PIK3CB: variants seen among roughly 807,000 people sequenced by gnomAD.
PIK3CB encodes phosphatidylinositol-4,5-bisphosphate 3-kinase catalytic subunit beta.
Under a neutral mutation model 136.8 loss-of-function variants are expected in PIK3CB, and 39 were observed. The observed-to-expected ratio is 0.29, with a 90% CI of 0.22 to 0.37. The LOEUF is 0.37. Ranked by LOEUF, PIK3CB falls within the 10% of genes least tolerant of loss-of-function variation. PIK3CB has a pLI of 1.00. For missense variants in PIK3CB, 868 were observed against 1,275.4 expected, an observed-to-expected ratio of 0.68 and a Z score of 4.87; for synonymous variants, 428 against 436.6, an observed-to-expected ratio of 0.98 and a Z score of 0.25.
chr3:138,798,409 C>G (rs1264880834), intron 1 of PIK3CB, among the ~76,000 whole-genome samples: 1 of 152,160 alleles, frequency 6.6e-6, no homozygotes, highest in African/African-American at 2.4e-5. Context: ...GTGATCCACC[C>G]ACGTCAGCCT....
rs1191626244 is a variant in PIK3CB, at chr3:138,734,614, G to T, written c.972+20C>A. On this transcript the variant is annotated intron_variant, in intron 7 of 23. Transcript: ENST00000674063. ...TCACATGGCTTTTGGGGTTACTAAA[G>T]GTTCAGAAATAAAACTTACAGAAAT... 1.9e-6 allele frequency: 3 copies of T among 1,572,226 alleles called. No individual in the cohort carries two copies. The highest frequency in any genetic ancestry group is 2.6e-6 in the Non-Finnish European group (3 of 1,148,750).
chr3:138,801,239 A>G (rs2046170929), intron 1 of PIK3CB, among the ~76,000 whole-genome samples: 1 of 152,098 alleles, frequency 6.6e-6, no homozygotes, highest in Admixed American at 6.6e-5. Context: ...TAGCAAGAGT[A>G]TTATTTTTTA....
chr3:138,827,243 A>C (rs1933821686), intron 1 of PIK3CB, among the ~76,000 whole-genome samples: 1 of 152,202 alleles, frequency 6.6e-6, no homozygotes, highest in Non-Finnish European at 1.5e-5. Flanking sequence ...AAAAAGACTA[A>C]TGATTCAGGA....
intron 7 of PIK3CB, 98 bp downstream of exon 7, chr3:138,734,536 G>C (rs538166910): frequency 1.2e-6 from 1 of 823,920 alleles, no homozygotes; most frequent in East Asian, 2.7e-5. Context: ...GGTTTTCACA[G>C]AAGGAGAAGT....
chr3:138,678,506 A>G (rs2108467540), intron 19 of PIK3CB, among the ~76,000 whole-genome samples: 1 of 152,330 alleles, frequency 6.6e-6, no homozygotes, highest in East Asian at 1.9e-4. Context: ...AAAACATACA[A>G]TAAGATAGTA....
chr3:138,699,807 GCT>G (rs1372471432), intron 12 of PIK3CB, among the ~76,000 whole-genome samples: 1 of 152,034 alleles, frequency 6.6e-6, no homozygotes, highest in African/African-American at 2.4e-5. Flanking sequence ...ATACTGTCTA[GCT>G]CTGTTTCACA....
chr3:138,728,844 G>A (rs2044902845), intron 8 of PIK3CB, among the ~76,000 whole-genome samples: 1 of 151,360 alleles, frequency 6.6e-6, no homozygotes, highest in African/African-American at 2.4e-5. Context: ...TGCAGAAAAA[G>A]TGATTAACTT....
intron 12 of PIK3CB, among the ~76,000 whole-genome samples, chr3:138,701,650 T>C (rs530488078): frequency 2.6e-5 from 4 of 151,892 alleles, no homozygotes; most frequent in African/African-American, 9.6e-5. Flanking sequence ...CTGGGCATGG[T>C]GGCGCATGCC....
intron 8 of PIK3CB, among the ~76,000 whole-genome samples, chr3:138,721,721 T>A (rs897281240): frequency 1.3e-5 from 2 of 152,224 alleles, no homozygotes; most frequent in South Asian, 2.1e-4. Context: ...ACTGAATTAA[T>A]TTGGTCTCTT....
At chr3:138,826,262 T>C in intron 1 of PIK3CB, 2 of 1,588,760 alleles carry the variant, frequency 1.3e-6, no homozygotes, top group South Asian at 1.1e-5. Flanking sequence ...ATCAAAGCAG[T>C]GGACAAGAAG....
At chr3:138,771,734 T>G (rs937835812) in intron 2 of PIK3CB, among the ~76,000 whole-genome samples, 2 of 152,020 alleles carry the variant, frequency 1.3e-5, no homozygotes, top group African/African-American at 4.8e-5. Context: ...CTGGGCAACA[T>G]AGTGAGACCC....
intron 13 of PIK3CB, among the ~76,000 whole-genome samples, 179 bp from the exon 14 acceptor site, chr3:138,695,086 C>T (rs2044107185): frequency 6.6e-6 from 1 of 152,126 alleles, no homozygotes; most frequent in Non-Finnish European, 1.5e-5. Flanking sequence ...GTTGTTGAAA[C>T]ATTCTATAGA....
At chr3:138,742,409 A>T in intron 5 of PIK3CB, 149 bp downstream of exon 5, 1 of 575,328 alleles carries the variant, frequency 1.7e-6, no homozygotes, top group Non-Finnish European at 3.1e-6. Flanking sequence ...ATTATATATA[A>T]TCCTAAATAC....
At chr3:138,786,621 C>T (rs948165136) in intron 2 of PIK3CB, among the ~76,000 whole-genome samples, 12 of 152,142 alleles carry the variant, frequency 7.9e-5, no homozygotes, top group Non-Finnish European at 1.3e-4. Flanking sequence ...GCTGGGATTA[C>T]AGGCATGAGC....
At chr3:138,801,604 C>G (rs2046176888) in intron 1 of PIK3CB, among the ~76,000 whole-genome samples, 2 of 151,940 alleles carry the variant, frequency 1.3e-5, no homozygotes, top group African/African-American at 4.8e-5. Context: ...GGCGCGGTAG[C>G]TCACACCTGT....
intron 2 of PIK3CB, among the ~76,000 whole-genome samples, chr3:138,774,259 A>G (rs1337408383): frequency 6.6e-6 from 1 of 152,224 alleles, no homozygotes; most frequent in Non-Finnish European, 1.5e-5. Flanking sequence ...TCTCTTTCAG[A>G]TAGCAACCCT....
chr3:138,790,542 T>C (rs1329446895), intron 2 of PIK3CB, among the ~76,000 whole-genome samples: 4 of 149,658 alleles, frequency 2.7e-5, no homozygotes, highest in African/African-American at 9.8e-5. Flanking sequence ...CGGTGGCTCA[T>C]GCCTGGAAGC....
At position 138,828,577 on chromosome 3, in the gene PIK3CB, G is replaced by T. The variant is rs1289445906; in HGVS notation, c.-122+6118C>A. ...CCATCATGAAGCTTATATTATATTGGAGGAAAAAGACCATAAATAAATGAA... is the reference window on the plus strand; with the variant it reads ...CCATCATGAAGCTTATATTATATTGTAGGAAAAAGACCATAAATAAATGAA... On this transcript the variant is annotated intron_variant, in intron 1 of 23. Coordinates refer to ENST00000674063, the MANE Select transcript of PIK3CB (RefSeq NM_006219.3). Among the ~76,000 whole-genome samples, 4 of 152,058 alleles carry T rather than the reference G, an allele frequency of 2.6e-5. No individual in the cohort carries two copies. In the East Asian group the frequency reaches 7.7e-4, roughly 29 times the overall value.
chr3:138,778,223 G>T (rs2045883116), intron 2 of PIK3CB: 1 of 453,132 alleles, frequency 2.2e-6, no homozygotes, highest in Non-Finnish European at 4.4e-6. Context: ...TTTGTAATGG[G>T]CATGAACCAT....
Sources: allele counts gnomAD v4.1 joint callset (sites outside exome capture counted in the v4.1 genomes callset), GRCh38; gene constraint gnomAD v4.1.1; transcripts MANE v1.5; gene names NCBI Gene and HGNC (gene_info 2026-07-23, HGNC 2026-07-21).